KIF16B: variants seen among roughly 807,000 people sequenced by gnomAD.
KIF16B encodes the protein kinesin-like protein KIF16B.
KIF16B carries 98 observed loss-of-function variants against 156.3 expected under a neutral mutation model. The ratio of observed to expected loss-of-function variants is 0.63; its 90% confidence interval spans 0.53 to 0.74. The LOEUF is 0.74. Ranked by LOEUF, KIF16B falls within the 30% of genes least tolerant of loss-of-function variation. KIF16B has a pLI of 0.00. For missense variants in KIF16B, 1,421 were observed against 1,606.5 expected, an observed-to-expected ratio of 0.88 and a Z score of 1.97; for synonymous variants, 564 against 583.7, an observed-to-expected ratio of 0.97 and a Z score of 0.49.
At chr20:16,282,279 C>G (rs1282439821) in intron 25 of KIF16B, among the ~76,000 whole-genome samples, 1 of 151,950 alleles carries the variant, frequency 6.6e-6, no homozygotes, top group African/African-American at 2.4e-5. Flanking sequence ...CTGATATGCC[C>G]GCCTCAGCCT....
chr20:16,295,680 C>T lies in KIF16B; in HGVS notation c.3795+16655G>A, dbSNP rs559240064. ...AATTAAGCGGCTCTAAATGACAATC[C>T]GGTCACCTGATGGTGGCAGGAAGGG... On this transcript the variant is annotated intron_variant, in intron 25 of 25. Transcript: ENST00000354981. 2.4e-4 allele frequency among the ~76,000 whole-genome samples: 36 copies of T among 152,076 alleles called. 1 individual carries two copies. In the South Asian group the frequency reaches 6.6e-3, roughly 28 times the overall value.
chr20:16,495,635 TAGG>T (rs1443348851), intron 11 of KIF16B, among the ~76,000 whole-genome samples: 1 of 152,128 alleles, frequency 6.6e-6, no homozygotes. Context: ...ACAAATGAAA[TAGG>T]AGGAAGAGGC....
chr20:16,568,311 A>T (rs1211042764), intron 1 of KIF16B, among the ~76,000 whole-genome samples: 3 of 152,142 alleles, frequency 2.0e-5, no homozygotes, highest in Non-Finnish European at 4.4e-5. Context: ...TATACAACAT[A>T]GCTATAAAGC....
Position 16,501,567 on chromosome 20 carries a change from T to C in KIF16B, c.1176+2805A>G, listed in dbSNP as rs569832404. Among the ~76,000 whole-genome samples the C allele has an allele frequency of 5.9e-5, 9 of 152,186 alleles. 1 individual carries two copies. Among genetic ancestry groups the C allele is most frequent in the Middle Eastern group, 3.4e-3 (1 of 294 alleles). On this transcript the variant is annotated intron_variant, in intron 10 of 25. Transcript: ENST00000354981. ...ATCTAGAGGAAAGTCTACAAAGCAG[T>C]AACAGCCCGAAATAGGAAACCCCTC...
Position 16,302,780 on chromosome 20 carries a change from G to A in KIF16B, c.3795+9555C>T, listed in dbSNP as rs893805457. Reference sequence around the variant, plus strand: ...GGGATGCTAAAGTAAATGGTATTACGTTATTAATTTCCAATTCCATTTGTT... The same window carrying A: ...GGGATGCTAAAGTAAATGGTATTACATTATTAATTTCCAATTCCATTTGTT... On this transcript the variant is annotated intron_variant, in intron 25 of 25. Transcript: ENST00000354981. 2.4e-4 allele frequency among the ~76,000 whole-genome samples: 36 copies of A among 152,218 alleles called. 1 individual carries two copies. Among genetic ancestry groups the A allele is most frequent in the Middle Eastern group, 3.4e-3 (1 of 294 alleles).
chr20:16,434,281 A>G (rs775229048), intron 12 of KIF16B, among the ~76,000 whole-genome samples: 10 of 152,184 alleles, frequency 6.6e-5, no homozygotes, highest in Non-Finnish European at 1.3e-4. Flanking sequence ...TGGTGATTGC[A>G]GGCAGGGCTG....
intron 12 of KIF16B, among the ~76,000 whole-genome samples, chr20:16,474,204 A>C (rs2067742851): frequency 6.6e-6 from 1 of 152,046 alleles, no homozygotes; most frequent in Non-Finnish European, 1.5e-5. Flanking sequence ...ACCTTCCAAA[A>C]TATCTAACCT....
At chr20:16,295,852 T>C (rs1236115775) in intron 25 of KIF16B, among the ~76,000 whole-genome samples, 1 of 152,232 alleles carries the variant, frequency 6.6e-6, no homozygotes, top group Non-Finnish European at 1.5e-5. Flanking sequence ...AATGATACTA[T>C]GGTACATATG....
At chr20:16,398,411 T>A (rs1316163597) in intron 17 of KIF16B, among the ~76,000 whole-genome samples, 3 of 151,706 alleles carry the variant, frequency 2.0e-5, no homozygotes, top group Non-Finnish European at 2.9e-5. Context: ...GAGGAGGGGG[T>A]GACCAGGAAG....
chr20:16,351,177 T>C (rs1310865062), intron 23 of KIF16B, among the ~76,000 whole-genome samples: 1 of 152,096 alleles, frequency 6.6e-6, no homozygotes, highest in Non-Finnish European at 1.5e-5. Flanking sequence ...GGAAACAAAA[T>C]ATTAAAAAAT....
intron 12 of KIF16B, among the ~76,000 whole-genome samples, chr20:16,469,190 T>C (rs1600478535): frequency 1.4e-5 from 2 of 145,216 alleles, no homozygotes; most frequent in South Asian, 4.4e-4. Flanking sequence ...AGTTGGAGGC[T>C]GCCGTGAGCT....
At chr20:16,490,804 G>A (rs2068266588) in intron 12 of KIF16B, among the ~76,000 whole-genome samples, 1 of 152,270 alleles carries the variant, frequency 6.6e-6, no homozygotes, top group African/African-American at 2.4e-5. Context: ...AGCCCTAGCA[G>A]ATTAATACAA....
chr20:16,552,379 T>C (rs1464178200), intron 1 of KIF16B, among the ~76,000 whole-genome samples: 3 of 152,224 alleles, frequency 2.0e-5, no homozygotes, highest in Non-Finnish European at 4.4e-5. Flanking sequence ...CATCCCAGCA[T>C]ATGCAATATT....
intron 2 of KIF16B, among the ~76,000 whole-genome samples, chr20:16,527,093 G>A (rs2069574551): frequency 6.6e-6 from 1 of 152,142 alleles, no homozygotes; most frequent in African/African-American, 2.4e-5. Context: ...GACACATGAA[G>A]GAAAGACAAG....
At chr20:16,350,637 G>A (rs2064319498) in intron 23 of KIF16B, among the ~76,000 whole-genome samples, 1 of 151,798 alleles carries the variant, frequency 6.6e-6, no homozygotes, top group African/African-American at 2.4e-5. Flanking sequence ...GCATGACTAA[G>A]AGCCACCAGC....
chr20:16,570,296 G>C (rs894387619), intron 1 of KIF16B, among the ~76,000 whole-genome samples: 2 of 152,046 alleles, frequency 1.3e-5, no homozygotes, highest in African/African-American at 4.8e-5. Flanking sequence ...AAATGAAATG[G>C]TCAAATCAAA....
chr20:16,367,412 G>A (rs376389236), intron 22 of KIF16B: 1 of 1,612,802 alleles, frequency 6.2e-7, no homozygotes, highest in African/African-American at 1.3e-5. Flanking sequence ...CTTAAAGCAT[G>A]GCATTTGATC....
intron 22 of KIF16B, chr20:16,368,977 G>A (rs1410754274): frequency 1.0e-6 from 1 of 985,732 alleles, no homozygotes; most frequent in Non-Finnish European, 1.2e-6. Context: ...AGAGATTTTA[G>A]GTAGATTAAA....
At chr20:16,515,722 C>A in intron 3 of KIF16B, 58 bp from the exon 4 acceptor site, 1 of 899,930 alleles carries the variant, frequency 1.1e-6, no homozygotes, top group South Asian at 1.4e-5. Flanking sequence ...AATAATAGCC[C>A]CTTCAGTGTT....
Sources: gnomAD v4.1 joint callset for allele counts (sites outside exome capture counted in the v4.1 genomes callset) on GRCh38, gnomAD v4.1.1 for gene constraint, MANE v1.5 for transcripts, NCBI Gene and HGNC (gene_info 2026-07-23, HGNC 2026-07-21) for gene names.